Variants in BICD1 observed in about 807,000 individuals in gnomAD.
BICD1 encodes the protein protein bicaudal D homolog 1.
In BICD1, 35 loss-of-function variants were observed where a neutral mutation model predicts 92.5. That is an observed-to-expected ratio of 0.38 (90% CI 0.29 to 0.50). The LOEUF is 0.50. Ranked by LOEUF, BICD1 falls within the 20% of genes least tolerant of loss-of-function variation. The pLI, the probability that BICD1 is intolerant of heterozygous loss-of-function variation, is 0.93. For missense variants in BICD1, 950 were observed against 1,189.8 expected (o/e 0.80, Z 2.97); for synonymous variants, 429 against 465.1 (o/e 0.92, Z 1.00).
chr12:32,233,848 G>C (rs1393010007), intron 2 of BICD1, among the ~76,000 whole-genome samples: 1 of 152,112 alleles, frequency 6.6e-6, no homozygotes, highest in African/African-American at 2.4e-5. Context: ...GAGCATCCCA[G>C]TTGGCAGGTC....
chr12:32,174,706 G>A (rs1489919977), intron 1 of BICD1, among the ~76,000 whole-genome samples: 1 of 151,996 alleles, frequency 6.6e-6, no homozygotes, highest in Non-Finnish European at 1.5e-5. Flanking sequence ...TGAAAGCATT[G>A]TCTTCAGTGG....
At chr12:32,367,892 C>T (rs1939586456) in intron 9 of BICD1, 147 bp downstream of exon 9, 2 of 698,254 alleles carry the variant, frequency 2.9e-6, no homozygotes, top group African/African-American at 1.8e-5. Flanking sequence ...ACACATTGGA[C>T]ACCTGCAGTC....
intron 1 of BICD1, among the ~76,000 whole-genome samples, chr12:32,171,366 T>C (rs915561715): frequency 6.6e-6 from 1 of 152,162 alleles, no homozygotes; most frequent in Non-Finnish European, 1.5e-5. Flanking sequence ...GAAATAAAGC[T>C]TTGCTGTTGT....
At chr12:32,257,211 CAAAAAAAAAAAAAA>C (rs35294412) in intron 2 of BICD1, among the ~76,000 whole-genome samples, 1 of 78,276 alleles carries the variant, frequency 1.3e-5, no homozygotes, top group Non-Finnish European at 2.3e-5. Flanking sequence ...GACTCTGTCT[CAAAAAAAAAAAAAA>C]AAAAAAAAAA....
chr12:32,373,065 T>G (rs1430359684), intron 9 of BICD1, among the ~76,000 whole-genome samples: 1 of 152,126 alleles, frequency 6.6e-6, no homozygotes, highest in Non-Finnish European at 1.5e-5. Flanking sequence ...TTCCCTTCTA[T>G]CAAGTAGTTT....
chr12:32,316,195 T>G (rs1948496654), intron 4 of BICD1, among the ~76,000 whole-genome samples: 1 of 152,120 alleles, frequency 6.6e-6, no homozygotes, highest in South Asian at 2.1e-4. Flanking sequence ...TAGGCTAACG[T>G]AAGTGTTCTG....
intron 1 of BICD1, among the ~76,000 whole-genome samples, chr12:32,210,775 T>A (rs1225884905): frequency 6.6e-5 from 10 of 152,246 alleles, no homozygotes. Flanking sequence ...ATTTGCAATC[T>A]GAACAAAATA....
chr12:32,336,270 C>T (rs191984945), intron 6 of BICD1, among the ~76,000 whole-genome samples: 93 of 152,272 alleles, frequency 6.1e-4, no homozygotes, highest in African/African-American at 1.9e-3. Context: ...TTTTTCTCCA[C>T]GCCACCTCTA....
At chr12:32,317,296 T>C (rs1268581866) in intron 4 of BICD1, among the ~76,000 whole-genome samples, 2 of 152,226 alleles carry the variant, frequency 1.3e-5, no homozygotes, top group African/African-American at 2.4e-5. Context: ...ACTTCCACAA[T>C]GGTCGAACTA....
intron 2 of BICD1, among the ~76,000 whole-genome samples, chr12:32,293,197 G>A (rs987259634): frequency 1.4e-4 from 21 of 152,148 alleles, no homozygotes; most frequent in African/African-American, 4.3e-4. Flanking sequence ...GTATGTGTGT[G>A]TTCCCTGTAT....
chr12:32,330,990 C>T (rs566950889), intron 5 of BICD1, among the ~76,000 whole-genome samples: 2 of 152,078 alleles, frequency 1.3e-5, no homozygotes, highest in Admixed American at 1.3e-4. Flanking sequence ...CAAAATTAAC[C>T]AGGCGTGGTG....
At chr12:32,296,120 TGGCCATTCCAGAGGCTC>T (rs1947860989) in intron 3 of BICD1, among the ~76,000 whole-genome samples, 1 of 149,760 alleles carries the variant, frequency 6.7e-6, no homozygotes, top group African/African-American at 2.4e-5. Flanking sequence ...TGCTGAGGGC[TGGCCATTCCAGAGGCTC>T]CCCAGGTCTT....
intron 8 of BICD1, among the ~76,000 whole-genome samples, chr12:32,360,020 C>T (rs1436445628): frequency 1.3e-5 from 2 of 152,022 alleles, no homozygotes; most frequent in Non-Finnish European, 2.9e-5. Context: ...CCCGTCTCTA[C>T]TAAAAATACA....
At chr12:32,369,469 G>A (rs1939648758) in intron 9 of BICD1, among the ~76,000 whole-genome samples, 1 of 152,264 alleles carries the variant, frequency 6.6e-6, no homozygotes. Context: ...TGTGGTCAGG[G>A]GTCAGAGCCA....
chr12:32,376,887 G>GGC (rs1555174305), intron 9 of BICD1, among the ~76,000 whole-genome samples: 2 of 127,080 alleles, frequency 1.6e-5, no homozygotes, highest in Admixed American at 8.3e-5. Flanking sequence ...GGGGGGGGGG[G>GGC]GTGAAATATA....
intron 9 of BICD1, among the ~76,000 whole-genome samples, chr12:32,374,390 A>G (rs1355164459): frequency 2.0e-5 from 3 of 151,424 alleles, no homozygotes; most frequent in Non-Finnish European, 4.4e-5. Context: ...TTTTTTTACT[A>G]TATGTGCTGT....
intron 8 of BICD1, chr12:32,340,249 G>A: frequency 1.0e-6 from 1 of 985,400 alleles, no homozygotes; most frequent in African/African-American, 1.7e-5. Context: ...GGTGTTTGAG[G>A]AAATTGGTAG....
At chr12:32,324,258 G>A (rs982471579) in intron 4 of BICD1, among the ~76,000 whole-genome samples, 15 of 151,812 alleles carry the variant, frequency 9.9e-5, no homozygotes, top group African/African-American at 3.1e-4. Context: ...AGGAGGCTGA[G>A]GCAGAAGAAT....
At chr12:32,364,611 G>C (rs1369137094) in intron 8 of BICD1, among the ~76,000 whole-genome samples, 3 of 152,106 alleles carry the variant, frequency 2.0e-5, no homozygotes, top group Non-Finnish European at 2.9e-5. Flanking sequence ...TATTCTTTAA[G>C]GATAACACGT....
Sources: allele counts gnomAD v4.1 joint callset (sites outside exome capture counted in the v4.1 genomes callset), GRCh38; gene constraint gnomAD v4.1.1; transcripts MANE v1.5; gene names NCBI Gene and HGNC (gene_info 2026-07-23, HGNC 2026-07-21).